The following TRPC7 variants were observed in gnomAD, a reference collection of about 807,000 sequenced individuals.
TRPC7 encodes the protein short transient receptor potential channel 7.
Under a neutral mutation model 90.1 loss-of-function variants are expected in TRPC7, and 42 were observed. That is an observed-to-expected ratio of 0.47 (90% CI 0.36 to 0.60). The LOEUF is 0.60. Among genes scored for constraint, TRPC7 ranks in the 20% least tolerant of loss-of-function variants. TRPC7 has a pLI of 0.00. For missense variants in TRPC7, 955 were observed against 1,112.3 expected, an observed-to-expected ratio of 0.86 and a Z score of 2.01; for synonymous variants, 451 against 436.3, an observed-to-expected ratio of 1.03 and a Z score of -0.42.
chr5:136,305,892 T>C (rs1302338137), intron 3 of TRPC7, among the ~76,000 whole-genome samples: 2 of 152,184 alleles, frequency 1.3e-5, no homozygotes, highest in Non-Finnish European at 2.9e-5. Flanking sequence ...GACAATACTT[T>C]TACCACTTTC....
In TRPC7 at chr5:136,356,946, C is replaced by T. The variant is rs1397447321; in HGVS notation, c.442G>A (p.Asp148Asn). 1 of 1,612,922 alleles carries T rather than the reference C, an allele frequency of 6.2e-7. No homozygotes were observed. The highest frequency in any genetic ancestry group is 1.1e-5 in the South Asian group (1 of 91,042). The change falls in exon 2 of 12, where the codon GAC becomes AAC. Residue 148 changes from aspartate to asparagine, a missense_variant. Physicochemically the swap from Asp to Asn is conservative, Grantham distance 23. Transcript: ENST00000513104. ...TLSPLEQELRDDDFYAYDEDG... is the reference protein window; with the variant it reads ...TLSPLEQELRNDDFYAYDEDG... The stretch of plus-strand genomic sequence containing the variant: ...TCGTCGTAGGCATAGAAGTCGTCGT[C>T]GCGCAGCTCCTGTTCCAGCGGGCTG...
At chr5:136,290,836 T>C (rs1035438792) in intron 3 of TRPC7, among the ~76,000 whole-genome samples, 2 of 152,070 alleles carry the variant, frequency 1.3e-5, no homozygotes, top group Non-Finnish European at 1.5e-5. Flanking sequence ...AGAAACATAA[T>C]TGTCAGATTC....
Position 136,315,594 on chromosome 5 carries a change from T to G in TRPC7, c.963+3A>C. 6.2e-7 allele frequency: 1 copy of G among 1,613,268 alleles called. No homozygotes were observed. The highest frequency in any genetic ancestry group is 8.5e-7 in the Non-Finnish European group (1 of 1,179,498). On this transcript the variant is annotated splice_donor_region_variant and intron_variant, in intron 3 of 11. Transcript: ENST00000513104. ...GAAGACCAGGAGAGATGGGGGAGCT[T>G]ACCTTCTTGACTTCATATTTAATGG...
intron 3 of TRPC7, among the ~76,000 whole-genome samples, chr5:136,292,287 A>G (rs1479870195): frequency 6.6e-6 from 1 of 152,202 alleles, no homozygotes; most frequent in Non-Finnish European, 1.5e-5. Context: ...AGAAATAACT[A>G]AGATCAGAGC....
At chr5:136,295,387 G>T (rs979920407) in intron 3 of TRPC7, among the ~76,000 whole-genome samples, 1 of 152,160 alleles carries the variant, frequency 6.6e-6, no homozygotes, top group East Asian at 1.9e-4. Context: ...CTGGTGAGAG[G>T]TTTAGCATCT....
intron 3 of TRPC7, among the ~76,000 whole-genome samples, chr5:136,275,456 G>C (rs1757336093): frequency 6.6e-6 from 1 of 152,054 alleles, no homozygotes; most frequent in Non-Finnish European, 1.5e-5. Context: ...CAGAGGATGT[G>C]TTAAAACTCC....
At chr5:136,342,272 T>G (rs1759868997) in intron 2 of TRPC7, among the ~76,000 whole-genome samples, 1 of 152,154 alleles carries the variant, frequency 6.6e-6, no homozygotes. Flanking sequence ...CATGCCTCCC[T>G]CTGTTCACCA....
intron 7 of TRPC7, among the ~76,000 whole-genome samples, chr5:136,236,811 A>G (rs1263158252): frequency 6.6e-6 from 1 of 152,190 alleles, no homozygotes; most frequent in Non-Finnish European, 1.5e-5. Flanking sequence ...TCAGAATGCC[A>G]TATCTCTCTC....
chr5:136,281,265 A>G (rs1300874090), intron 3 of TRPC7, among the ~76,000 whole-genome samples: 7 of 152,216 alleles, frequency 4.6e-5, no homozygotes, highest in Admixed American at 2.0e-4. Flanking sequence ...CCTGTTAAGG[A>G]TAACATCCTG....
intron 5 of TRPC7, among the ~76,000 whole-genome samples, chr5:136,264,544 C>T (rs569312463): frequency 6.6e-6 from 1 of 151,762 alleles, no homozygotes; most frequent in East Asian, 1.9e-4. Context: ...ACTTTAGTGC[C>T]AGTGACTGTA....
intron 7 of TRPC7, among the ~76,000 whole-genome samples, chr5:136,245,573 A>C (rs528381739): frequency 1.1e-4 from 17 of 152,152 alleles, no homozygotes; most frequent in Non-Finnish European, 2.4e-4. Flanking sequence ...GAAAACTGAC[A>C]TTCTAGGCCA....
chr5:136,272,371 T>C (rs1218919039), intron 4 of TRPC7, among the ~76,000 whole-genome samples: 3 of 152,218 alleles, frequency 2.0e-5, no homozygotes, highest in African/African-American at 7.2e-5. Flanking sequence ...GTGACCTCTC[T>C]GTAATTCCCA....
At chr5:136,301,331 C>CTTT (rs1758374637) in intron 3 of TRPC7, among the ~76,000 whole-genome samples, 4 of 96,504 alleles carry the variant, frequency 4.1e-5, no homozygotes, top group African/African-American at 4.9e-5. Flanking sequence ...CCAGCCCAGG[C>CTTT]ATTTTTTTTT....
chr5:136,316,324 C>T (rs1161900586), intron 2 of TRPC7, among the ~76,000 whole-genome samples: 1 of 152,116 alleles, frequency 6.6e-6, no homozygotes, highest in African/African-American at 2.4e-5. Context: ...AGGAATTTTA[C>T]TGGAAAGATG....
chr5:136,265,754 G>A (rs970307519), intron 5 of TRPC7, among the ~76,000 whole-genome samples: 3 of 152,032 alleles, frequency 2.0e-5, no homozygotes, highest in Non-Finnish European at 4.4e-5. Context: ...ACAAGAAAAT[G>A]TTACTCCCGT....
At chr5:136,279,228 C>T (rs1402986309) in intron 3 of TRPC7, among the ~76,000 whole-genome samples, 5 of 152,188 alleles carry the variant, frequency 3.3e-5, no homozygotes, top group Non-Finnish European at 5.9e-5. Context: ...AGATTACTTA[C>T]ACAAATGACC....
chr5:136,217,926 G>C (rs1231024040), intron 10 of TRPC7, among the ~76,000 whole-genome samples: 5 of 150,640 alleles, frequency 3.3e-5, no homozygotes, highest in East Asian at 3.9e-4. Flanking sequence ...CTGAGGCAGA[G>C]AGCATTGCTT....
chr5:136,344,706 C>T (rs1263090075), intron 2 of TRPC7, among the ~76,000 whole-genome samples: 1 of 152,120 alleles, frequency 6.6e-6, no homozygotes, highest in Non-Finnish European at 1.5e-5. Context: ...GGTATTCCTT[C>T]CTGAGTCTAA....
intron 1 of TRPC7, 147 bp from the exon 2 acceptor site, chr5:136,357,532 C>G (rs1277177809): frequency 2.2e-6 from 2 of 891,042 alleles, no homozygotes; most frequent in Non-Finnish European, 3.3e-6. Context: ...TCTTAATCAT[C>G]AAGATTCAGA....
Sources: gnomAD v4.1 joint callset for allele counts (sites outside exome capture counted in the v4.1 genomes callset) on GRCh38, gnomAD v4.1.1 for gene constraint, MANE v1.5 for transcripts, NCBI Gene and HGNC (gene_info 2026-07-23, HGNC 2026-07-21) for gene names.